JUP: variants seen among roughly 807,000 people sequenced by gnomAD.
JUP encodes the protein junction plakoglobin.
Under a neutral mutation model 71.1 loss-of-function variants are expected in JUP, and 28 were observed. The ratio of observed to expected loss-of-function variants is 0.39; its 90% CI spans 0.29 to 0.54. The LOEUF (loss-of-function observed/expected upper bound fraction) is 0.54. Among genes scored for constraint, JUP ranks in the 20% least tolerant of loss-of-function variants. The probability of loss-of-function intolerance (pLI) is 0.62; values close to 1 mark genes in which losing one functional copy is unlikely to be tolerated. For missense variants in JUP, 869 were observed against 1,030.1 expected, an observed-to-expected ratio of 0.84 and a Z score of 2.14; for synonymous variants, 401 against 438.9, an observed-to-expected ratio of 0.91 and a Z score of 1.08.
At chr17:41,771,534 T>C (rs782151201) in intron 2 of JUP, 113 bp downstream of exon 2, 7 of 956,272 alleles carry the variant, frequency 7.3e-6, no homozygotes, top group Non-Finnish European at 1.1e-5. Flanking sequence ...GCATGAGCTG[T>C]GCCTCCTCCC....
chr17:41,764,225 C>A (rs1053049808), intron 7 of JUP, among the ~76,000 whole-genome samples: 1 of 152,170 alleles, frequency 6.6e-6, no homozygotes, highest in Non-Finnish European at 1.5e-5. Context: ...ATTGCTCCAG[C>A]CCAGGGCCCA....
chr17:41,765,108 T>C (rs782445011), intron 5 of JUP, 41 bp from the exon 6 acceptor site: 4 of 1,602,492 alleles, frequency 2.5e-6, no homozygotes, highest in Admixed American at 3.3e-5. Context: ...GGACGGGGAA[T>C]ATGACAGGAA....
At chr17:41,763,555 A>G (rs1416353494) in intron 7 of JUP, among the ~76,000 whole-genome samples, 1 of 152,162 alleles carries the variant, frequency 6.6e-6, no homozygotes, top group Non-Finnish European at 1.5e-5. Context: ...ACACACAGCT[A>G]GTGGCTGGAT....
At chr17:41,779,898 A>G (rs1443642412) in intron 1 of JUP, among the ~76,000 whole-genome samples, 1 of 151,608 alleles carries the variant, frequency 6.6e-6, no homozygotes. Flanking sequence ...CTGGTCTCAA[A>G]GTCCCGGCCT....
At chr17:41,762,326 C>T (rs1555601730) in intron 8 of JUP, among the ~76,000 whole-genome samples, 2 of 150,912 alleles carry the variant, frequency 1.3e-5, no homozygotes, top group African/African-American at 4.9e-5. Flanking sequence ...CCTTCCGCTT[C>T]CGCCTCTGCC....
intron 1 of JUP, among the ~76,000 whole-genome samples, chr17:41,775,605 C>T (rs782600534): frequency 5.9e-5 from 9 of 152,218 alleles, no homozygotes; most frequent in Non-Finnish European, 1.2e-4. Context: ...CCTGCCCACT[C>T]ATCCCAGCCA....
Position 41,755,093 on chromosome 17 carries a change from A to C in JUP, c.*651T>G. Reference sequence around the variant, plus strand: ...GTTGGTCGGTGGAGTTCAGTGAGAAAATCAGACCCAGAGAAGGAACCAAAG... The same window carrying C: ...GTTGGTCGGTGGAGTTCAGTGAGAACATCAGACCCAGAGAAGGAACCAAAG... On this transcript the variant is annotated 3_prime_UTR_variant, in exon 14 of 14. Coordinates refer to ENST00000393931, the MANE Select transcript of JUP (RefSeq NM_002230.4). The C allele has an allele frequency of 2.5e-6, 1 of 394,170 alleles. No homozygotes were observed. The highest frequency in any genetic ancestry group is 4.5e-6 in the Non-Finnish European group (1 of 223,554). 24.4% of individuals were successfully genotyped at this position (394,170 alleles called of 1,614,324 possible). A position where few individuals can be genotyped will look rare whatever the true frequency, so the allele number is the denominator to read the frequency against.
At chr17:41,762,580 GT>G (rs1915075147) in intron 8 of JUP, among the ~76,000 whole-genome samples, 1 of 152,040 alleles carries the variant, frequency 6.6e-6, no homozygotes, top group Non-Finnish European at 1.5e-5. Context: ...TGTTGTTATT[GT>G]TGTCGAGACA....
At chr17:41,777,204 C>G (rs879957142) in intron 1 of JUP, among the ~76,000 whole-genome samples, 3 of 152,226 alleles carry the variant, frequency 2.0e-5, no homozygotes, top group Admixed American at 2.0e-4. Context: ...AGTGGAACTT[C>G]GCTCACGCCA....
intron 1 of JUP, chr17:41,775,906 G>A: frequency 1.1e-6 from 1 of 927,192 alleles, no homozygotes; most frequent in Non-Finnish European, 1.3e-6. Flanking sequence ...GCTGGCACCG[G>A]GCACCCTAAA....
intron 1 of JUP, among the ~76,000 whole-genome samples, chr17:41,773,173 T>G (rs1198260096): frequency 6.6e-6 from 1 of 152,158 alleles, no homozygotes; most frequent in Non-Finnish European, 1.5e-5. Context: ...GGTCCACCCA[T>G]GAAGCCAGGC....
chr17:41,776,735 G>A (rs767210599), intron 1 of JUP, among the ~76,000 whole-genome samples: 7 of 152,084 alleles, frequency 4.6e-5, no homozygotes, highest in Non-Finnish European at 1.0e-4. Flanking sequence ...GGCCAGGCGC[G>A]GTGGCTCACG....
intron 1 of JUP, among the ~76,000 whole-genome samples, chr17:41,775,455 A>T (rs1302279957): frequency 6.6e-6 from 1 of 152,190 alleles, no homozygotes; most frequent in Admixed American, 6.5e-5. Flanking sequence ...AAGAAACAAA[A>T]GTGCTGGTTT....
At chr17:41,776,313 T>G (rs1471609263) in intron 1 of JUP, among the ~76,000 whole-genome samples, 1 of 152,260 alleles carries the variant, frequency 6.6e-6, no homozygotes, top group Non-Finnish European at 1.5e-5. Flanking sequence ...TTTTCTCATC[T>G]GTAAAATGGA....
In JUP at chr17:41,767,498, C is replaced by T; in HGVS notation, c.790G>A (p.Val264Met). Residue 264 changes from valine (V) to methionine (M), a missense_variant, in exon 5 of 14, where the codon GTG becomes ATG. Transcript: ENST00000393931. The part of the protein sequence containing the change: ...LLYQEGAKMA[V>M]RLADGLQKMV... ...TTTTGCAGCCCGTCGGCCAGGCGCA[C>T]GGCCATCTTGGCGCCCTCCTGGTAC... 5.6e-6 allele frequency: 9 copies of T among 1,608,628 alleles called. No individual in the cohort carries two copies. The highest frequency in any genetic ancestry group is 6.8e-6 in the Non-Finnish European group (8 of 1,176,722).
At chr17:41,763,368 A>G in intron 7 of JUP, 47 bp from the exon 8 acceptor site, 1 of 1,436,236 alleles carries the variant, frequency 7.0e-7, no homozygotes, top group Middle Eastern at 2.1e-4. Context: ...AGCCAACTCC[A>G]GGGAGCCTTC....
chr17:41,766,537 A>G (rs1369609107), intron 5 of JUP, among the ~76,000 whole-genome samples: 1 of 152,050 alleles, frequency 6.6e-6, no homozygotes, highest in Non-Finnish European at 1.5e-5. Flanking sequence ...CCTGGGCAAC[A>G]TGGAGAAATC....
chr17:41,786,174 A>C (rs564274079), intron 1 of JUP: 1 of 152,446 alleles, frequency 6.6e-6, no homozygotes, highest in Non-Finnish European at 1.5e-5. Flanking sequence ...GGGTGGCCCC[A>C]AAGAGACCAG....
In JUP at chr17:41,763,338, G is replaced by A; in HGVS notation, c.1159-17C>T. The A allele has an allele frequency of 6.2e-7, 1 of 1,600,056 alleles. No individual in the cohort carries two copies. Among genetic ancestry groups the A allele is most frequent in the South Asian group, 1.1e-5 (1 of 90,692 alleles). Reference sequence around the variant, plus strand: ...CAGGCCCTCCTGGAGGGCAAGGAAGGGACGGGGGAGTCAGGGAGCAGCCAA... The same window carrying A: ...CAGGCCCTCCTGGAGGGCAAGGAAGAGACGGGGGAGTCAGGGAGCAGCCAA... On this transcript the variant is annotated splice_polypyrimidine_tract_variant and intron_variant, in intron 7 of 13. Transcript: ENST00000393931.
Sources: gnomAD v4.1 joint callset for allele counts (sites outside exome capture counted in the v4.1 genomes callset) on GRCh38, gnomAD v4.1.1 for gene constraint, MANE v1.5 for transcripts, NCBI Gene and HGNC (gene_info 2026-07-23, HGNC 2026-07-21) for gene names.